RAB21: variants seen among roughly 807,000 people sequenced by gnomAD.
RAB21 encodes the protein ras-related protein Rab-21.
In RAB21, 13 loss-of-function variants were observed where a neutral mutation model predicts 33.1. The ratio of observed to expected loss-of-function variants is 0.39; its 90% CI spans 0.26 to 0.62. The LOEUF (loss-of-function observed/expected upper bound fraction) is 0.62. RAB21 is among the 20% of genes least tolerant of loss of function. The pLI is 0.48. For synonymous variants in RAB21, 91 were observed against 103.7 expected, an observed-to-expected ratio of 0.88 and a Z score of 0.74; for missense variants, 234 against 279.1, an observed-to-expected ratio of 0.84 and a Z score of 1.15.
chr12:71,766,374 C>CTT (rs1448495975), intron 1 of RAB21, among the ~76,000 whole-genome samples: 2 of 152,094 alleles, frequency 1.3e-5, no homozygotes, highest in Non-Finnish European at 2.9e-5. Context: ...CACTGTGTCA[C>CTT]TTACTGTGTG....
At position 71,789,017 on chromosome 12, in the gene RAB21, A is replaced by G. The variant is rs969714223; in HGVS notation, c.*3344A>G. 2 of 151,738 alleles carry G rather than the reference A, an allele frequency of 1.3e-5. No homozygotes were observed. Among genetic ancestry groups the G allele is most frequent in the Non-Finnish European group, 2.9e-5 (2 of 67,894 alleles). The allele number at this position is 151,738 out of a possible 1,614,324, so 9.4% of individuals were successfully genotyped here. A position where few individuals can be genotyped will look rare whatever the true frequency, so the allele number is the denominator to read the frequency against. ...TGAAATCTTTTTTTTTTTTAATAGTAGCCATATGTTATTAGTGGAGTACTT... is the reference window on the plus strand; with the variant it reads ...TGAAATCTTTTTTTTTTTTAATAGTGGCCATATGTTATTAGTGGAGTACTT... On this transcript the variant is annotated 3_prime_UTR_variant, in exon 7 of 7. Coordinates refer to ENST00000261263, the MANE Select transcript of RAB21 (RefSeq NM_014999.4).
rs1304276669 is a variant in RAB21 at position 71,788,627 on chromosome 12, CA to C, written c.*2956del. 1 of 152,154 alleles carries C rather than the reference CA, an allele frequency of 6.6e-6. No individual in the cohort carries two copies. The highest frequency in any genetic ancestry group is 1.5e-5 in the Non-Finnish European group (1 of 68,022). The allele number at this position is 152,154 out of a possible 1,614,324, so 9.4% of individuals were successfully genotyped here. ...TAATTGTGCTATTAGGCAGAAGACA[CA>C]AGTTACCACGTTGTGTATTAAAAGC... On this transcript the variant is annotated 3_prime_UTR_variant, in exon 7 of 7. Coordinates refer to ENST00000261263, the MANE Select transcript of RAB21 (RefSeq NM_014999.4).
At position 71,799,055 on chromosome 12, in the gene RAB21, A is replaced by G. The variant is rs1883503840; in HGVS notation, c.*13382A>G. 1 of 152,328 alleles carries G rather than the reference A, an allele frequency of 6.6e-6. No individual in the cohort carries two copies. Among genetic ancestry groups the G allele is most frequent in the Non-Finnish European group, 1.5e-5 (1 of 68,048 alleles). The allele number at this position is 152,328 out of a possible 1,614,324, so 9.4% of individuals were successfully genotyped here. ...TCCATGCAGCAGTGATCAAGTGTCT[A>G]TCGTTCAGCTTCCTGAATATGGATA... On this transcript the variant is annotated 3_prime_UTR_variant, in exon 7 of 7. Coordinates refer to ENST00000261263, the MANE Select transcript of RAB21 (RefSeq NM_014999.4).
intron 4 of RAB21, among the ~76,000 whole-genome samples, chr12:71,781,268 G>C (rs893160579): frequency 1.3e-5 from 2 of 152,092 alleles, no homozygotes; most frequent in African/African-American, 4.8e-5. Flanking sequence ...AGGAGTTCGA[G>C]ACCATCCTGG....
At chr12:71,764,214 T>C (rs983848056) in intron 1 of RAB21, among the ~76,000 whole-genome samples, 1 of 152,190 alleles carries the variant, frequency 6.6e-6, no homozygotes, top group African/African-American at 2.4e-5. Context: ...GTTTTTAGTA[T>C]GTGCGTATGA....
At position 71,799,853 on chromosome 12, in the gene RAB21, A is replaced by G. The variant is rs1883514945; in HGVS notation, c.*14180A>G. The G allele has an allele frequency of 1.3e-5, 2 of 152,208 alleles. No homozygotes were observed. The highest frequency in any genetic ancestry group is 2.4e-5 in the African/African-American group (1 of 41,440). 9.4% of individuals were successfully genotyped at this position (152,208 alleles called of 1,614,324 possible). On this transcript the variant is annotated 3_prime_UTR_variant, in exon 7 of 7. Transcript: ENST00000261263. ...TTTGGGAGGCCAAGATGGGCGGATC[A>G]TATGAGGTCAGGAGTTCAGGACCAG...
chr12:71,783,680 T>C (rs1472189167), intron 6 of RAB21, among the ~76,000 whole-genome samples: 2 of 152,192 alleles, frequency 1.3e-5, no homozygotes, highest in Non-Finnish European at 2.9e-5. Flanking sequence ...AAACGCTTCA[T>C]ATGATTCCAA....
At chr12:71,779,117 G>A (rs1338132241) in intron 4 of RAB21, among the ~76,000 whole-genome samples, 1 of 152,208 alleles carries the variant, frequency 6.6e-6, no homozygotes, top group African/African-American at 2.4e-5. Flanking sequence ...GTTTGTTAGC[G>A]ACACATGCGT....
rs1883031879 is a variant in RAB21 at position 71,770,806 on chromosome 12, AG to A, written c.327+108del. 5 of 764,294 alleles carry A rather than the reference AG, an allele frequency of 6.5e-6. No individual in the cohort carries two copies. In the African/African-American group the frequency reaches 7.2e-5, roughly 11 times the overall value. The allele number at this position is 764,294 out of a possible 1,614,324, so 47.3% of individuals were successfully genotyped here. ...TGATTAGTTTTCTTTTTAAAAATAA[AG>A]TATATAATTTGTGCATAACTGGTGA... On this transcript the variant is annotated intron_variant, in intron 3 of 6. Coordinates refer to ENST00000261263, the MANE Select transcript of RAB21 (RefSeq NM_014999.4).
Position 71,796,003 on chromosome 12 carries a change from G to T in RAB21, c.*10330G>T, listed in dbSNP as rs1032904055. On this transcript the variant is annotated 3_prime_UTR_variant, in exon 7 of 7. Transcript: ENST00000261263. ...TTAAAACTACCATATAAACTCAAAT[G>T]AAATTTTATGACATTCTAATGTACA... 2.9e-5 allele frequency: 4 copies of T among 137,508 alleles called. No individual in the cohort carries two copies. Among genetic ancestry groups the T allele is most frequent in the African/African-American group, 1.2e-4 (4 of 34,104 alleles). The allele number at this position is 137,508 out of a possible 1,614,324, so 8.5% of individuals were successfully genotyped here.
chr12:71,789,064 G>A lies in RAB21; in HGVS notation c.*3391G>A, dbSNP rs1883339664. ...ACTTTATATTTGACATTAAAGTGAA[G>A]AAGAAGAGTAGTACTTCACTTTTAG... On this transcript the variant is annotated 3_prime_UTR_variant, in exon 7 of 7. Coordinates refer to ENST00000261263, the MANE Select transcript of RAB21 (RefSeq NM_014999.4). 1 of 151,482 alleles carries A rather than the reference G, an allele frequency of 6.6e-6. No individual in the cohort carries two copies. Among genetic ancestry groups the A allele is most frequent in the Non-Finnish European group, 1.5e-5 (1 of 67,840 alleles). 9.4% of individuals were successfully genotyped at this position (151,482 alleles called of 1,614,324 possible).
chr12:71,781,336 GCAGGCAC>G (rs201556140), intron 4 of RAB21, among the ~76,000 whole-genome samples: 5,756 of 152,016 alleles, frequency 0.038, 165 homozygotes, highest in South Asian at 0.11. Flanking sequence ...AGGCGTGGTG[GCAGGCAC>G]CTGTAGTCCC....
chr12:71,760,077 A>T (rs77383154), intron 1 of RAB21, among the ~76,000 whole-genome samples: 5,739 of 152,316 alleles, frequency 0.038, 189 homozygotes, highest in Middle Eastern at 0.088. Flanking sequence ...TTTCATGGCA[A>T]TTCAGTCAAA....
Position 71,790,976 on chromosome 12 carries a change from T to A in RAB21, c.*5303T>A, listed in dbSNP as rs1335977027. The stretch of plus-strand genomic sequence containing the variant: ...AGGTGGATTTCATTAGTATCCAAAT[T>A]TATTTATTTTTTTATTTCATTTTTT... On this transcript the variant is annotated 3_prime_UTR_variant, in exon 7 of 7. Transcript: ENST00000261263. 4 of 152,036 alleles carry A rather than the reference T, an allele frequency of 2.6e-5. No individual in the cohort carries two copies. The highest frequency in any genetic ancestry group is 5.9e-5 in the Non-Finnish European group (4 of 68,020). The allele number at this position is 152,036 out of a possible 1,614,324, so 9.4% of individuals were successfully genotyped here. A position where few individuals can be genotyped will look rare whatever the true frequency, so the allele number is the denominator to read the frequency against.
intron 5 of RAB21, 161 bp from the exon 6 acceptor site, chr12:71,782,409 A>G (rs998650628): frequency 3.8e-6 from 2 of 528,094 alleles, no homozygotes; most frequent in African/African-American, 3.9e-5. Flanking sequence ...TGTTATTTAA[A>G]ATTTGATTTA....
At chr12:71,766,570 T>C (rs1378030919) in intron 1 of RAB21, among the ~76,000 whole-genome samples, 1 of 152,144 alleles carries the variant, frequency 6.6e-6, no homozygotes, top group African/African-American at 2.4e-5. Flanking sequence ...TAAAAATATG[T>C]AGTCTAGTTA....
intron 4 of RAB21, among the ~76,000 whole-genome samples, chr12:71,777,723 T>A (rs1883142415): frequency 6.6e-6 from 1 of 152,246 alleles, no homozygotes; most frequent in South Asian, 2.1e-4. Flanking sequence ...ATCAGCTGTT[T>A]TTTTATGTGG....
At chr12:71,762,051 TTTAA>T (rs1280138906) in intron 1 of RAB21, among the ~76,000 whole-genome samples, 3 of 152,226 alleles carry the variant, frequency 2.0e-5, no homozygotes, top group African/African-American at 7.2e-5. Context: ...CTGCTTAGTA[TTTAA>T]TTAGTATTTT....
chr12:71,775,559 C>T (rs756131035), intron 4 of RAB21, among the ~76,000 whole-genome samples: 3 of 152,022 alleles, frequency 2.0e-5, no homozygotes, highest in Non-Finnish European at 4.4e-5. Flanking sequence ...TTTCTTGAGA[C>T]GGAGTCTCGC....
Sources: gnomAD v4.1 joint callset for allele counts (sites outside exome capture counted in the v4.1 genomes callset) on GRCh38, gnomAD v4.1.1 for gene constraint, MANE v1.5 for transcripts, NCBI Gene and HGNC (gene_info 2026-07-23, HGNC 2026-07-21) for gene names.